Variants in ZNF292 observed in about 807,000 individuals in gnomAD.
ZNF292 encodes zinc finger protein 292, also known as 16 zinc-finger domain protein.
Under a neutral mutation model 217.9 loss-of-function variants are expected in ZNF292, and 26 were observed. The observed-to-expected ratio is 0.12, with a 90% CI of 0.09 to 0.17. The LOEUF (loss-of-function observed/expected upper bound fraction) is 0.17. Among genes scored for constraint, ZNF292 ranks in the 10% least tolerant of loss-of-function variants. The pLI is 1.00. For synonymous variants in ZNF292, 1,257 were observed against 1,124.1 expected, an observed-to-expected ratio of 1.12 and a Z score of -2.37; for missense variants, 2,904 against 3,175.2, an observed-to-expected ratio of 0.91 and a Z score of 2.05.
rs1013237733 is a variant in ZNF292, at chr6:87,263,197, TTGA to T, written c.*1400_*1402del. The T allele has an allele frequency of 1.7e-4, 26 of 152,164 alleles. No homozygotes were observed. Among genetic ancestry groups the T allele is most frequent in the African/African-American group, 4.1e-4 (17 of 41,554 alleles). 9.4% of individuals were successfully genotyped at this position (152,164 alleles called of 1,614,324 possible). A position where few individuals can be genotyped will look rare whatever the true frequency, so the allele number is the denominator to read the frequency against. On this transcript the variant is annotated 3_prime_UTR_variant, in exon 8 of 8. Coordinates refer to ENST00000369577, the MANE Select transcript of ZNF292 (RefSeq NM_015021.3). The stretch of plus-strand genomic sequence containing the variant: ...AGAGGTAGAGGTTATTCCAGGAGAG[TTGA>T]TGACCTTCATTTAAAGTCCAACTAA...
intron 1 of ZNF292, among the ~76,000 whole-genome samples, chr6:87,157,735 C>CT (rs1397149587): frequency 1.3e-5 from 2 of 152,178 alleles, no homozygotes; most frequent in Non-Finnish European, 2.9e-5. Context: ...GTCACCCGGG[C>CT]TGGAGTGCAG....
intron 1 of ZNF292, among the ~76,000 whole-genome samples, chr6:87,205,611 G>T (rs1292239419): frequency 4.0e-5 from 6 of 151,860 alleles, no homozygotes; most frequent in Admixed American, 2.0e-4. Flanking sequence ...AATATATTTT[G>T]ATTTTAAAAC....
At position 87,255,012 on chromosome 6, in the gene ZNF292, A is replaced by G. The variant is rs751811376; in HGVS notation, c.1383A>G (p.Gly461=). ...TLKRQCLALM[G]EEASIVSSID... ...AACGACAATGTCTTGCATTAATGGG[A>G]GAAGAAGCATCCATTGTGTCTTCAA... The change falls in exon 8 of 8, where the codon GGA becomes GGG. Residue 461 remains glycine, a synonymous_variant. Transcript: ENST00000369577. The G allele has an allele frequency of 3.7e-6, 6 of 1,613,840 alleles. No homozygotes were observed. The highest frequency in any genetic ancestry group is 2.2e-5 in the East Asian group (1 of 44,874).
At position 87,257,850 on chromosome 6, in the gene ZNF292, A is replaced by G; in HGVS notation, c.4221A>G (p.Glu1407=). The change falls in exon 8 of 8, where the codon GAA becomes GAG. Residue 1407 remains glutamate, a synonymous_variant. Coordinates refer to ENST00000369577, the MANE Select transcript of ZNF292 (RefSeq NM_015021.3). ...RSYCKPLDGA[E]IAQELLQSNG... is the part of the protein sequence containing the mutation. ...ACTGTAAACCACTGGATGGAGCCGA[A>G]ATTGCTCAAGAACTTCTACAGAGTA... 1 of 1,613,900 alleles carries G rather than the reference A, an allele frequency of 6.2e-7. No individual in the cohort carries two copies. The highest frequency in any genetic ancestry group is 8.5e-7 in the Non-Finnish European group (1 of 1,179,806).
intron 1 of ZNF292, among the ~76,000 whole-genome samples, chr6:87,201,145 A>G (rs146876047): frequency 1.9e-3 from 287 of 152,310 alleles, no homozygotes; most frequent in Admixed American, 3.5e-3. Context: ...AGGTAGACTT[A>G]TATTTATATT....
At chr6:87,160,655 G>GTGTGTA (rs1554193690) in intron 1 of ZNF292, among the ~76,000 whole-genome samples, 1 of 144,410 alleles carries the variant, frequency 6.9e-6, no homozygotes, top group African/African-American at 2.7e-5. Flanking sequence ...GTGTGTGTGT[G>GTGTGTA]TATATATACA....
At position 87,258,728 on chromosome 6, in the gene ZNF292, C is replaced by T. The variant is rs4623217; in HGVS notation, c.5099C>T (p.Thr1700Ile). ...LNNVNNQLFMTDVKENFKTSL... is the reference protein window; with the variant it reads ...LNNVNNQLFMIDVKENFKTSL... ...AATGTTAACAATCAGTTATTTATGACTGATGTAAAAGAGAATTTCAAAACC... is the reference window on the plus strand; with the variant it reads ...AATGTTAACAATCAGTTATTTATGATTGATGTAAAAGAGAATTTCAAAACC... Residue 1700 changes from threonine to isoleucine, a missense_variant, in exon 8 of 8, where the codon ACT (threonine) becomes ATT (isoleucine). This residue lies in a region of ZNF292 where 622 missense variants were observed against 573.1 expected (regional missense o/e 1.09). Transcript: ENST00000369577. 6.2e-7 allele frequency: 1 copy of T among 1,613,388 alleles called. No homozygotes were observed. The highest frequency in any genetic ancestry group is 1.7e-5 in the Admixed American group (1 of 59,880).
Position 87,233,485 on chromosome 6 carries a change from C to T in ZNF292, c.699C>T (p.Val233=), listed in dbSNP as rs1292558262. The part of the protein sequence containing the change: ...IKGSFKQTYL[V]CLCTSSPNGK... ...GTAGTTTTAAGCAAACTTACCTTGT[C>T]TGTCTTTGTACATCATCACCAAATG... is the stretch of plus-strand genomic sequence containing the variant. Residue 233 remains valine (V), a synonymous_variant, in exon 5 of 8, where the codon GTC becomes GTT. Transcript: ENST00000369577. 1 of 1,613,334 alleles carries T rather than the reference C, an allele frequency of 6.2e-7. No individual in the cohort carries two copies. The highest frequency in any genetic ancestry group is 1.1e-5 in the South Asian group (1 of 91,030).
chr6:87,240,533 C>T (rs1345593586), intron 5 of ZNF292, among the ~76,000 whole-genome samples: 6 of 152,184 alleles, frequency 3.9e-5, no homozygotes, highest in Non-Finnish European at 8.8e-5. Context: ...AGCAATTCTC[C>T]TGCCTCAGCT....
chr6:87,165,436 G>A lies in ZNF292; in HGVS notation c.168+9677G>A, dbSNP rs1053178290. On this transcript the variant is annotated intron_variant, in intron 1 of 7. Transcript: ENST00000369577. Reference sequence around the variant, plus strand: ...TTTCAGATAAGGGATACTCACCCGGGAGTAAGATATAACTTTATTTTACTT... The same window carrying A: ...TTTCAGATAAGGGATACTCACCCGGAAGTAAGATATAACTTTATTTTACTT... Among the ~76,000 whole-genome samples the A allele has an allele frequency of 6.6e-5, 10 of 152,264 alleles. No homozygotes were observed. In the East Asian group the frequency reaches 1.4e-3, roughly 21 times the overall value.
chr6:87,209,004 G>A (rs968127448), intron 1 of ZNF292, among the ~76,000 whole-genome samples: 2 of 151,996 alleles, frequency 1.3e-5, no homozygotes, highest in African/African-American at 2.4e-5. Flanking sequence ...GCAGTACCTC[G>A]CTTGGGTTTT....
chr6:87,199,572 G>T (rs1230713685), intron 1 of ZNF292, among the ~76,000 whole-genome samples: 2 of 152,064 alleles, frequency 1.3e-5, no homozygotes, highest in Non-Finnish European at 1.5e-5. Flanking sequence ...AGTTTTATAG[G>T]TTTAGTTCTT....
chr6:87,253,379 C>T (rs1400193720), intron 7 of ZNF292, among the ~76,000 whole-genome samples: 1 of 151,862 alleles, frequency 6.6e-6, no homozygotes, highest in African/African-American at 2.4e-5. Context: ...CAGCTGCATA[C>T]CACCACACCT....
intron 1 of ZNF292, among the ~76,000 whole-genome samples, chr6:87,199,519 T>G (rs375516192): frequency 4.6e-5 from 7 of 152,226 alleles, no homozygotes; most frequent in Non-Finnish European, 8.8e-5. Flanking sequence ...TTATGAACTT[T>G]ATAAAAATAG....
At chr6:87,224,946 C>T (rs1773267037) in intron 4 of ZNF292, among the ~76,000 whole-genome samples, 1 of 152,168 alleles carries the variant, frequency 6.6e-6, no homozygotes, top group South Asian at 2.1e-4. Context: ...AAAAAACTGT[C>T]TTCTAAAGTG....
intron 1 of ZNF292, among the ~76,000 whole-genome samples, chr6:87,206,876 G>A (rs1190570366): frequency 6.6e-6 from 1 of 152,190 alleles, no homozygotes; most frequent in East Asian, 1.9e-4. Context: ...CTATTAAGTA[G>A]TTAAATACAT....
At chr6:87,192,341 A>G (rs938403236) in intron 1 of ZNF292, among the ~76,000 whole-genome samples, 5 of 151,360 alleles carry the variant, frequency 3.3e-5, no homozygotes, top group Non-Finnish European at 7.4e-5. Flanking sequence ...ATAAATCTAG[A>G]TGCACTTTTT....
At chr6:87,211,318 A>C (rs965105557) in intron 1 of ZNF292, among the ~76,000 whole-genome samples, 1 of 152,224 alleles carries the variant, frequency 6.6e-6, no homozygotes, top group African/African-American at 2.4e-5. Context: ...TGAGACACAC[A>C]GAATAAAATT....
At chr6:87,172,787 GT>G (rs1026633547) in intron 1 of ZNF292, among the ~76,000 whole-genome samples, 2 of 151,640 alleles carry the variant, frequency 1.3e-5, no homozygotes, top group African/African-American at 4.8e-5. Flanking sequence ...CACACCTGTA[GT>G]CCCAGCTACT....
Sources: allele counts gnomAD v4.1 joint callset (sites outside exome capture counted in the v4.1 genomes callset), GRCh38; gene constraint gnomAD v4.1.1; regional missense constraint gnomAD v4.1.1; transcripts MANE v1.5; gene names NCBI Gene and HGNC (gene_info 2026-07-23, HGNC 2026-07-21).